The following VSTM2L variants were observed in gnomAD, a reference collection of about 807,000 sequenced individuals.
VSTM2L encodes the protein V-set and transmembrane domain containing 2 like, also known as V-set and transmembrane domain-containing protein 2-like protein.
In VSTM2L, 9 loss-of-function variants were observed where a neutral mutation model predicts 19.9. That is an observed-to-expected ratio of 0.45 (90% CI 0.27 to 0.79). The LOEUF is 0.79. Ranked by LOEUF, VSTM2L falls within the 30% of genes least tolerant of loss-of-function variation. The probability of loss-of-function intolerance (pLI) is 0.15; values close to 1 mark genes in which losing one functional copy is unlikely to be tolerated. For missense variants in VSTM2L, 286 were observed against 295.5 expected (o/e 0.97, Z 0.24); for synonymous variants, 127 against 133.8 (o/e 0.95, Z 0.35).
At chr20:37,912,956 T>G (rs1336499726) in intron 1 of VSTM2L, among the ~76,000 whole-genome samples, 2 of 152,166 alleles carry the variant, frequency 1.3e-5, no homozygotes, top group Non-Finnish European at 2.9e-5. Flanking sequence ...TTGTGTCTGT[T>G]GGATCCATCT....
At chr20:37,915,705 C>A (rs1954682757) in intron 1 of VSTM2L, among the ~76,000 whole-genome samples, 1 of 151,950 alleles carries the variant, frequency 6.6e-6, no homozygotes, top group Non-Finnish European at 1.5e-5. Context: ...TTGAATTTCG[C>A]AGACACGATT....
intron 3 of VSTM2L, among the ~76,000 whole-genome samples, chr20:37,936,865 G>A (rs993566883): frequency 4.6e-5 from 7 of 152,214 alleles, no homozygotes; most frequent in Non-Finnish European, 5.9e-5. Context: ...TTGTTAACGT[G>A]AATTTGTGAC....
intron 1 of VSTM2L, among the ~76,000 whole-genome samples, chr20:37,925,678 T>C (rs1469304947): frequency 1.3e-5 from 2 of 152,232 alleles, no homozygotes; most frequent in Non-Finnish European, 2.9e-5. Flanking sequence ...AAAAGGTCCC[T>C]GAGGGTGCCT....
rs143541700 is a variant in VSTM2L, at chr20:37,925,135, C to T, written c.122-6500C>T. Reference sequence around the variant, plus strand: ...AAAGGAAATGGATTTTTTTTTTAAACGAAGCTTTCTTTCCTGCCTCCCTAC... The same window carrying T: ...AAAGGAAATGGATTTTTTTTTTAAATGAAGCTTTCTTTCCTGCCTCCCTAC... On this transcript the variant is annotated intron_variant, in intron 1 of 3. Transcript: ENST00000373461. Among the ~76,000 whole-genome samples the T allele has an allele frequency of 1.4e-3, 209 of 151,896 alleles. 2 individuals are homozygous for T. Among genetic ancestry groups the T allele is most frequent in the African/African-American group, 4.8e-3 (197 of 41,428 alleles).
At chr20:37,906,477 G>A (rs754550881) in intron 1 of VSTM2L, among the ~76,000 whole-genome samples, 8 of 152,224 alleles carry the variant, frequency 5.3e-5, no homozygotes, top group Non-Finnish European at 1.0e-4. Context: ...GGAGGAAAAG[G>A]TGCAAGCATT....
rs541074495 is a variant in VSTM2L, at chr20:37,934,322, G to A, written c.342+733G>A. Among the ~76,000 whole-genome samples, 6 of 152,328 alleles carry A rather than the reference G, an allele frequency of 3.9e-5. No homozygotes were observed. In the South Asian group the frequency reaches 1.2e-3, roughly 32 times the overall value. On this transcript the variant is annotated intron_variant, in intron 3 of 3. Coordinates refer to ENST00000373461, the MANE Select transcript of VSTM2L (RefSeq NM_080607.3). ...CCTGGGAGAGGCAGACAGGAGACAG[G>A]AGGTGAACTGGGGAGAGAACATGGA... is the stretch of plus-strand genomic sequence containing the variant.
intron 1 of VSTM2L, among the ~76,000 whole-genome samples, chr20:37,919,996 G>C (rs1006662136): frequency 6.6e-5 from 10 of 152,308 alleles, no homozygotes; most frequent in South Asian, 2.1e-4. Flanking sequence ...CTTCAACCCC[G>C]GGGCAGGAGA....
At chr20:37,908,028 C>T (rs966798370) in intron 1 of VSTM2L, among the ~76,000 whole-genome samples, 3 of 152,184 alleles carry the variant, frequency 2.0e-5, no homozygotes, top group Non-Finnish European at 4.4e-5. Flanking sequence ...TTGTCTCGGG[C>T]GTTGGTGATT....
In VSTM2L at chr20:37,944,975, A is replaced by T; in HGVS notation, c.*722A>T. The T allele has an allele frequency of 1.0e-6, 1 of 985,628 alleles. No individual in the cohort carries two copies. Among genetic ancestry groups the T allele is most frequent in the Non-Finnish European group, 1.2e-6 (1 of 829,932 alleles). 61.1% of individuals were successfully genotyped at this position (985,628 alleles called of 1,614,324 possible). ...CCCATGGCCCCAGGCAGAGTTTTGC[A>T]CCAGCAGGACCCCTTTGAGGGCCTT... On this transcript the variant is annotated 3_prime_UTR_variant, in exon 4 of 4. Transcript: ENST00000373461.
chr20:37,940,977 A>G (rs1600576321), intron 3 of VSTM2L, among the ~76,000 whole-genome samples: 1 of 152,318 alleles, frequency 6.6e-6, no homozygotes, highest in East Asian at 1.9e-4. Flanking sequence ...ACACTTTGAG[A>G]TGAGATTTGG....
At chr20:37,942,306 AC>A (rs1413072927) in intron 3 of VSTM2L, among the ~76,000 whole-genome samples, 1 of 152,142 alleles carries the variant, frequency 6.6e-6, no homozygotes, top group Middle Eastern at 3.2e-3. Flanking sequence ...ACATGGTGAA[AC>A]CCCATTTCAA....
intron 1 of VSTM2L, among the ~76,000 whole-genome samples, chr20:37,927,847 C>T (rs1457934774): frequency 6.6e-6 from 1 of 152,204 alleles, no homozygotes; most frequent in Non-Finnish European, 1.5e-5. Context: ...CACATTGTCT[C>T]CCGTGCCCCC....
At chr20:37,934,404 A>G (rs1482903721) in intron 3 of VSTM2L, among the ~76,000 whole-genome samples, 1 of 152,152 alleles carries the variant, frequency 6.6e-6, no homozygotes, top group East Asian at 1.9e-4. Context: ...AGGTTTGTGC[A>G]TGGGGCGTGA....
At chr20:37,935,036 G>A (rs368759351) in intron 3 of VSTM2L, among the ~76,000 whole-genome samples, 4 of 152,100 alleles carry the variant, frequency 2.6e-5, no homozygotes, top group Admixed American at 2.6e-4. Context: ...TTAATACCCC[G>A]TTCATCACAA....
chr20:37,939,011 C>T (rs1417748176), intron 3 of VSTM2L, among the ~76,000 whole-genome samples: 1 of 152,142 alleles, frequency 6.6e-6, no homozygotes, highest in Non-Finnish European at 1.5e-5. Flanking sequence ...TAAGGTGTGG[C>T]CTCTGTCACC....
At chr20:37,914,623 C>T in intron 1 of VSTM2L, among the ~76,000 whole-genome samples, 1 of 152,106 alleles carries the variant, frequency 6.6e-6, no homozygotes, top group Admixed American at 6.5e-5. Context: ...TCCCGTCTCC[C>T]GGCTCCTGGC....
At position 37,903,133 on chromosome 20, in the gene VSTM2L, G is replaced by C. The variant is rs923192716; in HGVS notation, c.-218G>C. On this transcript the variant is annotated 5_prime_UTR_variant, in exon 1 of 4. Transcript: ENST00000373461. The stretch of plus-strand genomic sequence containing the variant: ...CGCGGAAGGGAAGAGTCCCGCAGTC[G>C]GAGGCGGCCGGCTGGGCGTGCGCTC... The C allele has an allele frequency of 6.4e-6, 3 of 468,220 alleles. No homozygotes were observed. The highest frequency in any genetic ancestry group is 9.6e-6 in the Non-Finnish European group (3 of 311,508). The allele number at this position is 468,220 out of a possible 1,614,324, so 29.0% of individuals were successfully genotyped here. A position where few individuals can be genotyped will look rare whatever the true frequency, so the allele number is the denominator to read the frequency against.
chr20:37,910,620 A>G (rs2072774220), intron 1 of VSTM2L, among the ~76,000 whole-genome samples: 1 of 152,208 alleles, frequency 6.6e-6, no homozygotes, highest in Non-Finnish European at 1.5e-5. Flanking sequence ...CATAAAGAAT[A>G]TGTAAGTATA....
At chr20:37,912,445 CTG>C (rs2072785390) in intron 1 of VSTM2L, among the ~76,000 whole-genome samples, 1 of 152,174 alleles carries the variant, frequency 6.6e-6, no homozygotes, top group Non-Finnish European at 1.5e-5. Context: ...GTGTGAGACC[CTG>C]TGTGTTCCTG....
Sources: allele counts gnomAD v4.1 joint callset (sites outside exome capture counted in the v4.1 genomes callset), GRCh38; gene constraint gnomAD v4.1.1; transcripts MANE v1.5; gene names NCBI Gene and HGNC (gene_info 2026-07-23, HGNC 2026-07-21).